FRMPD4: variants seen among roughly 807,000 people sequenced by gnomAD.
FRMPD4 encodes FERM and PDZ domain containing 4, also known as FERM and PDZ domain-containing protein 4.
FRMPD4 carries 22 observed loss-of-function variants against 94.1 expected under a neutral mutation model. The observed-to-expected ratio is 0.23, with a 90% confidence interval of 0.17 to 0.33. The LOEUF (loss-of-function observed/expected upper bound fraction) is 0.33. Ranked by LOEUF, FRMPD4 falls within the 10% of genes least tolerant of loss-of-function variation. FRMPD4 has a pLI of 1.00. For missense variants in FRMPD4, 1,111 were observed against 1,339.9 expected, an observed-to-expected ratio of 0.83 and a Z score of 2.67; for synonymous variants, 631 against 548.6, an observed-to-expected ratio of 1.15 and a Z score of -2.10.
chrX:12,684,020 C>T (rs1295232557), intron 6 of FRMPD4, among the ~76,000 whole-genome samples: 14 of 111,676 alleles, frequency 1.3e-4, no homozygotes, highest in African/African-American at 4.6e-4. Context: ...TTTTACTTCC[C>T]CAGAAAAGCC....
Position 12,701,855 on chromosome X carries a change from C to G in FRMPD4, c.934-19C>G. On this transcript the variant is annotated intron_variant, in intron 9 of 16. Transcript: ENST00000675598. The stretch of plus-strand genomic sequence containing the variant: ...GCCTATTCTTTGACAAGCTGTGCCC[C>G]CTGCTGGTCTCTTCGCAGAGTTGTA... 2 of 1,208,447 alleles carry G rather than the reference C, an allele frequency of 1.7e-6. No homozygotes were observed. The highest frequency in any genetic ancestry group is 2.2e-6 in the Non-Finnish European group (2 of 892,825).
chrX:11,900,423 A>AT (rs1333249553), intron 3 of FRMPD4, among the ~76,000 whole-genome samples: 1 of 111,805 alleles, frequency 8.9e-6, no homozygotes, highest in African/African-American at 3.3e-5. Flanking sequence ...GAGAAGGAGC[A>AT]TGGGTAGGGT....
chrX:12,543,030 A>G (rs1439199065), intron 2 of FRMPD4, among the ~76,000 whole-genome samples: 2 of 112,236 alleles, frequency 1.8e-5, no homozygotes, highest in East Asian at 5.5e-4. Context: ...AAAACTGGCT[A>G]GCCATATGGA....
At chrX:12,293,397 C>G (rs2054718939) in intron 1 of FRMPD4, among the ~76,000 whole-genome samples, 1 of 112,512 alleles carries the variant, frequency 8.9e-6, no homozygotes, top group African/African-American at 3.2e-5. Flanking sequence ...AAGAATTGTA[C>G]CTTAATTCAC....
intron 1 of FRMPD4, among the ~76,000 whole-genome samples, chrX:11,860,653 T>C (rs954301107): frequency 8.9e-6 from 1 of 112,241 alleles, no homozygotes; most frequent in Admixed American, 9.5e-5. Flanking sequence ...TGAATTGTCT[T>C]GGAGAAAAAT....
At position 12,053,436 on chromosome X, in the gene FRMPD4, GAA is replaced by G. The variant is rs1178965779; in HGVS notation, c.95+175420_95+175421del. On this transcript the variant is annotated intron_variant, in intron 3 of 18. Transcript: ENST00000640291. ...AAAGAAAGAAAGAAAGAAAGAGAAA[GAA>G]AGAAGAGAAGAGAAGAGAGGAAAGG... Among the ~76,000 whole-genome samples, 416 of 95,309 alleles carry G rather than the reference GAA, an allele frequency of 4.4e-3. 7 individuals are homozygous for G. The highest frequency in any genetic ancestry group is 0.026 in the East Asian group (67 of 2,610). The allele number at this position is 95,309 out of a possible 115,157, so 82.8% of individuals were successfully genotyped here.
chrX:11,859,533 T>C (rs971904296), intron 1 of FRMPD4, among the ~76,000 whole-genome samples: 3 of 112,265 alleles, frequency 2.7e-5, no homozygotes, highest in African/African-American at 9.7e-5. Context: ...AAGGCCATTT[T>C]CCAAGACTTT....
At chrX:11,930,454 C>T (rs957418817) in intron 3 of FRMPD4, among the ~76,000 whole-genome samples, 7 of 104,727 alleles carry the variant, frequency 6.7e-5, no homozygotes, top group Admixed American at 6.3e-4. Context: ...AACATACACA[C>T]AGAGAAGGTG....
intron 3 of FRMPD4, among the ~76,000 whole-genome samples, chrX:12,100,634 C>T (rs1224394377): frequency 1.8e-5 from 2 of 111,915 alleles, no homozygotes; most frequent in African/African-American, 3.2e-5. Context: ...TTTCTAAAAG[C>T]TTTTATGTTT....
At chrX:12,360,162 A>C (rs1047682289) in intron 1 of FRMPD4, among the ~76,000 whole-genome samples, 10 of 112,627 alleles carry the variant, frequency 8.9e-5, no homozygotes, top group Non-Finnish European at 1.3e-4. Context: ...TACATACTGC[A>C]CTATACCTTG....
intron 3 of FRMPD4, among the ~76,000 whole-genome samples, chrX:11,912,724 A>G (rs1252919536): frequency 9.0e-6 from 1 of 110,521 alleles, no homozygotes; most frequent in Non-Finnish European, 1.9e-5. Context: ...ATTACACTGT[A>G]GGACATGAGA....
intron 3 of FRMPD4, among the ~76,000 whole-genome samples, chrX:12,049,117 A>G (rs2054802326): frequency 8.9e-6 from 1 of 112,007 alleles, no homozygotes; most frequent in Non-Finnish European, 1.9e-5. Flanking sequence ...TCAATCCATT[A>G]GTGTGGAATG....
chrX:11,853,844 T>C (rs753038031), intron 1 of FRMPD4, among the ~76,000 whole-genome samples: 2 of 111,897 alleles, frequency 1.8e-5, no homozygotes, highest in Admixed American at 9.5e-5. Context: ...TTCCAAACAA[T>C]TGAGGAGGAG....
At chrX:12,661,936 G>T (rs754759217) in intron 4 of FRMPD4, among the ~76,000 whole-genome samples, 37 of 112,035 alleles carry the variant, frequency 3.3e-4, no homozygotes, top group Non-Finnish European at 1.3e-4. Flanking sequence ...CTGACGCTAC[G>T]TTATGGCTTG....
intron 2 of FRMPD4, among the ~76,000 whole-genome samples, chrX:11,872,738 G>C (rs759394980): frequency 7.1e-5 from 8 of 112,304 alleles, no homozygotes; most frequent in Non-Finnish European, 1.3e-4. Context: ...AGTTAACACT[G>C]TATCAGCCGT....
intron 4 of FRMPD4, among the ~76,000 whole-genome samples, chrX:12,644,536 C>T (rs2059530288): frequency 9.0e-6 from 1 of 111,312 alleles, no homozygotes; most frequent in East Asian, 2.8e-4. Context: ...TAACCCTAAA[C>T]TTGGAAGGGA....
intron 2 of FRMPD4, among the ~76,000 whole-genome samples, chrX:12,568,436 G>C (rs898415503): frequency 1.8e-5 from 2 of 112,315 alleles, no homozygotes; most frequent in African/African-American, 3.2e-5. Context: ...CAAAAGGCTT[G>C]CTTTATTTTT....
chrX:11,947,924 TA>T (rs3214130), intron 3 of FRMPD4, among the ~76,000 whole-genome samples: 36,390 of 106,152 alleles, frequency 0.34, 5,347 homozygotes, highest in East Asian at 0.81. Context: ...CGTCTCTATT[TA>T]AAAAAAATAC....
intron 1 of FRMPD4, among the ~76,000 whole-genome samples, chrX:12,451,644 C>CTTAGT (rs773409008): frequency 1.2e-4 from 13 of 110,942 alleles, no homozygotes; most frequent in Non-Finnish European, 2.3e-4. Context: ...ACAGTCATTT[C>CTTAGT]TTAGTTTACA....
Sources: gnomAD v4.1 joint callset for allele counts (sites outside exome capture counted in the v4.1 genomes callset) on GRCh38, gnomAD v4.1.1 for gene constraint, MANE v1.5 for transcripts, NCBI Gene and HGNC (gene_info 2026-07-23, HGNC 2026-07-21) for gene names.